KALRN: variants seen among roughly 807,000 people sequenced by gnomAD.
KALRN encodes the protein kalirin.
A neutral mutation model predicts 353.7 loss-of-function variants in KALRN; 70 were observed. The observed-to-expected ratio is 0.20, with a 90% CI of 0.16 to 0.24. KALRN has a LOEUF of 0.24. Ranked by LOEUF, KALRN falls within the 10% of genes least tolerant of loss-of-function variation. The pLI, the probability that KALRN is intolerant of heterozygous loss-of-function variation, is 1.00. For synonymous variants in KALRN, 1,391 were observed against 1,434.8 expected, an observed-to-expected ratio of 0.97 and a Z score of 0.69; for missense variants, 2,791 against 3,756.7, an observed-to-expected ratio of 0.74 and a Z score of 6.72.
chr3:124,515,495 T>C lies in KALRN; in HGVS notation c.4935+19082T>C, dbSNP rs139161704. Among the ~76,000 whole-genome samples the C allele has an allele frequency of 2.0e-3, 311 of 152,300 alleles. 1 individual carries two copies. The highest frequency in any genetic ancestry group is 6.8e-3 in the Middle Eastern group (2 of 294). ...ATCCTGCAAAACTCAGCTTTTCTGA[T>C]GTTGGAGTGATTGGCATAAAGAAAA... On this transcript the variant is annotated intron_variant, in intron 33 of 59. Transcript: ENST00000682506.
intron 5 of KALRN, among the ~76,000 whole-genome samples, chr3:124,295,494 G>A (rs373972404): frequency 1.3e-5 from 2 of 152,154 alleles, no homozygotes; most frequent in African/African-American, 4.8e-5. Flanking sequence ...CACCCTAATT[G>A]GCCTGTGTTC....
At chr3:124,408,482 G>A (rs1250949908) in intron 13 of KALRN, among the ~76,000 whole-genome samples, 1 of 152,182 alleles carries the variant, frequency 6.6e-6, no homozygotes, top group African/African-American at 2.4e-5. Flanking sequence ...TGACTTCTCT[G>A]TGCTTTCATT....
At chr3:124,165,592 T>C (rs2070709542) in intron 1 of KALRN, among the ~76,000 whole-genome samples, 1 of 152,256 alleles carries the variant, frequency 6.6e-6, no homozygotes, top group African/African-American at 2.4e-5. Context: ...CGTCTTCTGT[T>C]GTAGCCTGGA....
At chr3:124,477,094 G>A in intron 26 of KALRN, 151 bp from the exon 27 acceptor site, 1 of 511,524 alleles carries the variant, frequency 2.0e-6, no homozygotes, top group East Asian at 3.1e-5. Flanking sequence ...GGACCATGGG[G>A]GCTGGATGAG....
intron 33 of KALRN, among the ~76,000 whole-genome samples, chr3:124,558,062 A>C (rs1270415385): frequency 1.3e-5 from 2 of 152,016 alleles, no homozygotes; most frequent in Admixed American, 1.3e-4. Flanking sequence ...GGTCTGAGTC[A>C]CCTTCCCTAG....
At position 124,477,316 on chromosome 3, in the gene KALRN, T is replaced by C. The variant is rs776765705; in HGVS notation, c.4173T>C (p.His1391=). The C allele has an allele frequency of 6.2e-7, 1 of 1,613,414 alleles. No homozygotes were observed. Among genetic ancestry groups the C allele is most frequent in the African/African-American group, 1.3e-5 (1 of 75,034 alleles). ...KPDSNQLILE[H]AGTFFDEIQQ... ...ATTCCAACCAGCTTATCCTGGAGCA[T>C]GCGGGCACCTTCTTTGATGTAAGCT... is the stretch of plus-strand genomic sequence containing the variant. Residue 1391 remains histidine, a synonymous_variant, in exon 27 of 60, where the codon CAT becomes CAC. Transcript: ENST00000682506.
chr3:124,691,231 C>A (rs2061797477), intron 51 of KALRN, among the ~76,000 whole-genome samples: 1 of 152,094 alleles, frequency 6.6e-6, no homozygotes, highest in African/African-American at 2.4e-5. Flanking sequence ...GAGTTCAAGA[C>A]CAGCCTGACC....
intron 34 of KALRN, among the ~76,000 whole-genome samples, chr3:124,589,784 A>G (rs1561357734): frequency 6.6e-6 from 1 of 152,112 alleles, no homozygotes. Flanking sequence ...CGGGTACCAA[A>G]CTTTAAGGAT....
At chr3:124,512,749 G>A (rs976144644) in intron 33 of KALRN, among the ~76,000 whole-genome samples, 3 of 152,072 alleles carry the variant, frequency 2.0e-5, no homozygotes, top group Non-Finnish European at 4.4e-5. Context: ...TTATGCATAT[G>A]TACATACATA....
At chr3:124,335,253 C>G (rs1209355341) in intron 9 of KALRN, among the ~76,000 whole-genome samples, 1 of 152,132 alleles carries the variant, frequency 6.6e-6, no homozygotes, top group Admixed American at 6.5e-5. Context: ...GTACAGGAAA[C>G]TTCAGAGGAT....
chr3:124,478,601 A>G (rs947238267), intron 27 of KALRN, among the ~76,000 whole-genome samples: 7 of 152,210 alleles, frequency 4.6e-5, no homozygotes, highest in Non-Finnish European at 7.3e-5. Flanking sequence ...ATTTGGAACC[A>G]CAGAAGAACC....
chr3:124,313,791 T>C (rs916103308), intron 6 of KALRN, among the ~76,000 whole-genome samples: 2 of 152,214 alleles, frequency 1.3e-5, no homozygotes, highest in East Asian at 3.9e-4. Flanking sequence ...AAATCACTAC[T>C]GGTTCAGGGT....
At chr3:124,497,639 G>T (rs371388418) in intron 33 of KALRN, among the ~76,000 whole-genome samples, 95 of 152,184 alleles carry the variant, frequency 6.2e-4, no homozygotes, top group African/African-American at 2.1e-3. Flanking sequence ...GGAAAATTAG[G>T]TTTTTTTCCA....
At chr3:124,362,479 T>G (rs2084163027) in intron 10 of KALRN, among the ~76,000 whole-genome samples, 1 of 152,222 alleles carries the variant, frequency 6.6e-6, no homozygotes, top group African/African-American at 2.4e-5. Context: ...TGCCTTTATT[T>G]GTCTTGGGAT....
rs199832527 is a variant in KALRN at position 124,664,362 on chromosome 3, T to TGCGC, written c.6346-2086_6346-2085insCGCG. 6.6e-3 allele frequency among the ~76,000 whole-genome samples: 797 copies of TGCGC among 120,000 alleles called. 5 individuals are homozygous for TGCGC. Among genetic ancestry groups the TGCGC allele is most frequent in the East Asian group, 0.024 (80 of 3,348 alleles). The allele number at this position is 120,000 out of a possible 152,430, so 78.7% of individuals were successfully genotyped here. Reference sequence around the variant, plus strand: ...GTGTGTGTGTGTGTGTGTGTGTGTGTGTGTGTGTGCGCGCGCGCGCATATA... The same window carrying TGCGC: ...GTGTGTGTGTGTGTGTGTGTGTGTGTGCGCGTGTGTGTGCGCGCGCGCGCATATA... On this transcript the variant is annotated intron_variant, in intron 45 of 59. Transcript: ENST00000682506.
At chr3:124,467,540 A>G (rs1474777580) in intron 25 of KALRN, among the ~76,000 whole-genome samples, 2 of 152,220 alleles carry the variant, frequency 1.3e-5, no homozygotes, top group African/African-American at 2.4e-5. Context: ...ACAGGCAGGG[A>G]TGGCTTCCTT....
intron 51 of KALRN, among the ~76,000 whole-genome samples, chr3:124,683,561 T>G (rs558846858): frequency 6.6e-6 from 1 of 152,326 alleles, no homozygotes; most frequent in South Asian, 2.1e-4. Flanking sequence ...CAAGCTCAAG[T>G]AATTACATGC....
intron 1 of KALRN, among the ~76,000 whole-genome samples, chr3:124,121,973 G>A (rs547118852): frequency 9.8e-5 from 15 of 152,290 alleles, no homozygotes; most frequent in Non-Finnish European, 1.8e-4. Context: ...TCTCCTTTTG[G>A]TCTCCCAGGT....
chr3:124,472,098 GT>G (rs2060973709), intron 25 of KALRN, among the ~76,000 whole-genome samples: 1 of 152,056 alleles, frequency 6.6e-6, no homozygotes, highest in South Asian at 2.1e-4. Flanking sequence ...CTTCCCATAG[GT>G]TTTTGGTAGC....
Sources: allele counts gnomAD v4.1 joint callset (sites outside exome capture counted in the v4.1 genomes callset), GRCh38; gene constraint gnomAD v4.1.1; transcripts MANE v1.5; gene names NCBI Gene and HGNC (gene_info 2026-07-23, HGNC 2026-07-21).